The following DGLUCY variants were observed in gnomAD, a reference collection of about 807,000 sequenced individuals.
The protein encoded by DGLUCY is D-glutamate cyclase.
In DGLUCY, 58 loss-of-function variants were observed where a neutral mutation model predicts 58.5. The observed-to-expected ratio is 0.99, with a 90% CI of 0.80 to 1.23. The LOEUF is 1.23. Ranked by LOEUF, DGLUCY falls within the 50% of genes most tolerant of loss-of-function variation. DGLUCY has a pLI of 0.00. For synonymous variants in DGLUCY, 325 were observed against 314.1 expected (o/e 1.03, Z -0.37); for missense variants, 779 against 784.7 (o/e 0.99, Z 0.09).
At chr14:91,196,744 T>TAAAAAA in intron 10 of DGLUCY, among the ~76,000 whole-genome samples, 1 of 94,848 alleles carries the variant, frequency 1.1e-5, no homozygotes, top group Non-Finnish European at 2.1e-5. Context: ...GACATAGCAC[T>TAAAAAA]AAAAAAAAAA....
intron 12 of DGLUCY, among the ~76,000 whole-genome samples, chr14:91,205,152 G>A (rs796940271): frequency 2.0e-5 from 3 of 152,310 alleles, no homozygotes; most frequent in African/African-American, 4.8e-5. Flanking sequence ...CTTTGGGGGC[G>A]ATAGTACAGG....
chr14:91,117,346 G>T (rs2045032441), intron 1 of DGLUCY, among the ~76,000 whole-genome samples: 1 of 152,080 alleles, frequency 6.6e-6, no homozygotes, highest in Admixed American at 6.6e-5. Context: ...ATCTCATCCT[G>T]TGACTAGGAA....
At chr14:91,191,709 A>G (rs1276921455) in intron 9 of DGLUCY, among the ~76,000 whole-genome samples, 1 of 152,228 alleles carries the variant, frequency 6.6e-6, no homozygotes, top group East Asian at 1.9e-4. Context: ...TATTGTGAGA[A>G]GTAGCCAGAT....
chr14:91,127,101 G>A (rs1387453671), intron 1 of DGLUCY, among the ~76,000 whole-genome samples: 1 of 128,436 alleles, frequency 7.8e-6, no homozygotes, highest in Non-Finnish European at 1.6e-5. Flanking sequence ...CTGTCACCCA[G>A]GCTGAAGTGC....
At chr14:91,082,583 G>T (rs2044145293) in intron 1 of DGLUCY, among the ~76,000 whole-genome samples, 1 of 152,168 alleles carries the variant, frequency 6.6e-6, no homozygotes, top group South Asian at 2.1e-4. Context: ...TAAGGTTGAA[G>T]CCAGCTGTTA....
At chr14:91,150,448 G>A (rs1377736420) in intron 1 of DGLUCY, among the ~76,000 whole-genome samples, 1 of 151,832 alleles carries the variant, frequency 6.6e-6, no homozygotes, top group East Asian at 1.9e-4. Context: ...TAATGTGAAT[G>A]TTTCTTTTTT....
At chr14:91,153,901 TTTTG>T (rs768343145) in intron 1 of DGLUCY, among the ~76,000 whole-genome samples, 26 of 151,954 alleles carry the variant, frequency 1.7e-4, no homozygotes, top group South Asian at 6.2e-4. Flanking sequence ...TTTTTATTAT[TTTTG>T]TTTGTTTGTT....
chr14:91,137,685 G>A (rs754382257), intron 1 of DGLUCY, among the ~76,000 whole-genome samples: 6 of 152,090 alleles, frequency 3.9e-5, no homozygotes, highest in Non-Finnish European at 5.9e-5. Context: ...GTGAGACACC[G>A]TACTTGGCCT....
Position 91,160,255 on chromosome 14 carries a change from C to T in DGLUCY, c.-29-11C>T, listed in dbSNP as rs1463374255. The T allele has an allele frequency of 3.3e-6, 5 of 1,520,160 alleles. No homozygotes were observed. The highest frequency in any genetic ancestry group is 1.1e-5 in the South Asian group (1 of 89,180). 94.2% of individuals were successfully genotyped at this position (1,520,160 alleles called of 1,614,324 possible). ...ACTTTCTAATTTGTTCCCTTTCCTTCCCTCACCCAGATTCTCTGCTACTTA... is the reference window on the plus strand; with the variant it reads ...ACTTTCTAATTTGTTCCCTTTCCTTTCCTCACCCAGATTCTCTGCTACTTA... On this transcript the variant is annotated splice_polypyrimidine_tract_variant and intron_variant, in intron 2 of 13. Transcript: ENST00000256324.
intron 1 of DGLUCY, among the ~76,000 whole-genome samples, chr14:91,099,122 C>G (rs1212349916): frequency 6.6e-6 from 1 of 152,162 alleles, no homozygotes; most frequent in African/African-American, 2.4e-5. Flanking sequence ...CAGGAGGTAG[C>G]TTTAGAAGAA....
At chr14:91,177,658 T>TGAG (rs1235024375) in intron 7 of DGLUCY, among the ~76,000 whole-genome samples, 1 of 152,368 alleles carries the variant, frequency 6.6e-6, no homozygotes, top group East Asian at 1.9e-4. Flanking sequence ...CAGCCACACT[T>TGAG]GCGCTGTAAG....
chr14:91,092,591 A>G (rs186407618), intron 1 of DGLUCY, among the ~76,000 whole-genome samples: 5 of 152,292 alleles, frequency 3.3e-5, no homozygotes, highest in Middle Eastern at 3.4e-3. Flanking sequence ...TATGTGTAGG[A>G]GAGAAAGGGT....
At chr14:91,070,526 TA>T (rs892564717) in intron 1 of DGLUCY, among the ~76,000 whole-genome samples, 5 of 151,092 alleles carry the variant, frequency 3.3e-5, no homozygotes, top group Non-Finnish European at 4.4e-5. Flanking sequence ...CTTTTTAAAA[TA>T]AAAAAAATAC....
intron 8 of DGLUCY, 115 bp downstream of exon 8, chr14:91,181,504 G>T: frequency 9.4e-7 from 1 of 1,064,380 alleles, no homozygotes; most frequent in East Asian, 2.4e-5. Flanking sequence ...TCCACAGGAT[G>T]ATTTTTTAAA....
chr14:91,092,201 A>C (rs1314185276), intron 1 of DGLUCY, among the ~76,000 whole-genome samples: 1 of 152,210 alleles, frequency 6.6e-6, no homozygotes, highest in Non-Finnish European at 1.5e-5. Context: ...TTATGCTGAC[A>C]CATTCTTGAC....
At chr14:91,201,016 C>G (rs2050519799) in intron 11 of DGLUCY, among the ~76,000 whole-genome samples, 1 of 151,766 alleles carries the variant, frequency 6.6e-6, no homozygotes, top group Non-Finnish European at 1.5e-5. Flanking sequence ...TACAAAGTAC[C>G]TTCTCAAGGG....
intron 2 of DGLUCY, among the ~76,000 whole-genome samples, chr14:91,159,436 C>T (rs1017741231): frequency 6.6e-5 from 10 of 152,012 alleles, no homozygotes; most frequent in East Asian, 5.8e-4. Flanking sequence ...GACAGAGTGG[C>T]GAGACTCTGC....
At chr14:91,196,286 C>G in intron 9 of DGLUCY, 89 bp from the exon 10 acceptor site, 1 of 940,856 alleles carries the variant, frequency 1.1e-6, no homozygotes, top group African/African-American at 1.6e-5. Context: ...AGTAATGATA[C>G]CCTTCAAAGA....
intron 3 of DGLUCY, among the ~76,000 whole-genome samples, chr14:91,163,268 G>GAA (rs112323869): frequency 1.4e-5 from 2 of 146,592 alleles, no homozygotes; most frequent in African/African-American, 5.0e-5. Flanking sequence ...TCAAAAAAAA[G>GAA]AAAAAAAAAA....
Sources: gnomAD v4.1 joint callset for allele counts (sites outside exome capture counted in the v4.1 genomes callset) on GRCh38, gnomAD v4.1.1 for gene constraint, MANE v1.5 for transcripts, NCBI Gene and HGNC (gene_info 2026-07-23, HGNC 2026-07-21) for gene names.